Variants in CHM observed in about 807,000 individuals in gnomAD.
CHM encodes the protein CHM Rab escort protein.
A neutral mutation model predicts 49.0 loss-of-function variants in CHM; 10 were observed. The observed-to-expected ratio is 0.20, with a 90% CI of 0.13 to 0.35. The LOEUF is 0.35. CHM is among the 10% of genes least tolerant of loss of function. The probability of loss-of-function intolerance (pLI) is 1.00; values close to 1 mark genes in which losing one functional copy is unlikely to be tolerated. For missense variants in CHM, 455 were observed against 478.4 expected, an observed-to-expected ratio of 0.95 and a Z score of 0.46; for synonymous variants, 184 against 167.5, an observed-to-expected ratio of 1.10 and a Z score of -0.76.
intron 2 of CHM, among the ~76,000 whole-genome samples, chrX:85,987,188 C>T (rs1931963032): frequency 1.8e-5 from 2 of 112,133 alleles, no homozygotes; most frequent in South Asian, 7.4e-4. Context: ...CTATAAATCA[C>T]TGGCATCCCT....
At chrX:85,925,646 T>C (rs1928036909) in intron 8 of CHM, among the ~76,000 whole-genome samples, 1 of 111,738 alleles carries the variant, frequency 8.9e-6, no homozygotes, top group Admixed American at 9.5e-5. Flanking sequence ...GTATGATATA[T>C]ATTCATTTTT....
chrX:85,947,568 T>G (rs1340517868), intron 8 of CHM, among the ~76,000 whole-genome samples: 1 of 111,676 alleles, frequency 9.0e-6, no homozygotes, highest in Non-Finnish European at 1.9e-5. Context: ...TGCAGAACCA[T>G]GAGCCAATTA....
chrX:85,970,745 C>CA (rs985625938), intron 4 of CHM: 2 of 150,450 alleles, frequency 1.3e-5, no homozygotes, highest in South Asian at 3.0e-4. Flanking sequence ...TGTGTAATCA[C>CA]AAAAAATCAC....
intron 11 of CHM, 33 bp from the exon 12 acceptor site, chrX:85,894,317 T>A: frequency 2.0e-6 from 2 of 1,011,864 alleles, no homozygotes; most frequent in Non-Finnish European, 2.8e-6. Context: ...CAGACACAGC[T>A]GTTAGATCTC....
chrX:85,867,704 C>T (rs58708363), intron 14 of CHM, among the ~76,000 whole-genome samples: 8,817 of 111,142 alleles, frequency 0.079, 748 homozygotes, highest in African/African-American at 0.26. Flanking sequence ...TCTCAATTTC[C>T]GAGCTTTGGC....
At chrX:85,889,737 GA>G (rs946490630) in intron 12 of CHM, among the ~76,000 whole-genome samples, 2 of 109,330 alleles carry the variant, frequency 1.8e-5, no homozygotes, top group Non-Finnish European at 3.8e-5. Context: ...ATTGTACAAA[GA>G]AAAAAAAATG....
intron 3 of CHM, among the ~76,000 whole-genome samples, chrX:85,981,076 A>G (rs1233497287): frequency 3.7e-5 from 4 of 108,157 alleles, no homozygotes; most frequent in East Asian, 5.7e-4. Flanking sequence ...GTGAGATTTT[A>G]TAAGGACTAG....
At chrX:85,883,638 T>C (rs1437782366) in intron 12 of CHM, among the ~76,000 whole-genome samples, 1 of 111,077 alleles carries the variant, frequency 9.0e-6, no homozygotes, top group Non-Finnish European at 1.9e-5. Flanking sequence ...ATTTGAAATG[T>C]CACATTTTCA....
intron 4 of CHM, among the ~76,000 whole-genome samples, chrX:85,972,543 C>T (rs987094703): frequency 6.2e-5 from 7 of 113,244 alleles, no homozygotes; most frequent in Middle Eastern, 4.6e-3. Context: ...TTGACCACAG[C>T]GCCGGTGGGC....
chrX:86,010,930 C>T (rs180847669), intron 2 of CHM, among the ~76,000 whole-genome samples: 179 of 111,636 alleles, frequency 1.6e-3, no homozygotes, highest in Middle Eastern at 9.2e-3. Context: ...CAGATGACTT[C>T]CATCTGAACT....
chrX:86,001,159 A>T (rs1932700747), intron 2 of CHM, among the ~76,000 whole-genome samples: 1 of 111,966 alleles, frequency 8.9e-6, no homozygotes, highest in Non-Finnish European at 1.9e-5. Context: ...TAAGAAAAAT[A>T]TCATAAGTCC....
intron 8 of CHM, among the ~76,000 whole-genome samples, chrX:85,936,725 A>G (rs959409038): frequency 8.9e-6 from 1 of 112,232 alleles, no homozygotes; most frequent in African/African-American, 3.2e-5. Context: ...GGATTATTTT[A>G]ATCTAGAACA....
intron 11 of CHM, among the ~76,000 whole-genome samples, chrX:85,895,320 T>A (rs1925762296): frequency 9.2e-6 from 1 of 108,376 alleles, no homozygotes; most frequent in Non-Finnish European, 1.9e-5. Flanking sequence ...TTTTTTGTAT[T>A]TTTTGTAGAA....
At chrX:85,923,040 A>G (rs1927883122) in intron 8 of CHM, among the ~76,000 whole-genome samples, 1 of 111,803 alleles carries the variant, frequency 8.9e-6, no homozygotes, top group African/African-American at 3.3e-5. Flanking sequence ...TCAAGTGTAT[A>G]ACTTTAGTAA....
chrX:85,920,399 T>C (rs1029379023), intron 8 of CHM, among the ~76,000 whole-genome samples: 9 of 111,699 alleles, frequency 8.1e-5, no homozygotes, highest in Non-Finnish European at 1.3e-4. Flanking sequence ...CCCGGCCCAA[T>C]AGTGGAAATC....
At chrX:85,985,072 C>T (rs922633304) in intron 2 of CHM, among the ~76,000 whole-genome samples, 1 of 111,798 alleles carries the variant, frequency 8.9e-6, no homozygotes, top group Non-Finnish European at 1.9e-5. Context: ...GGCCCCACTT[C>T]CATGGCACCT....
At chrX:85,903,359 G>T (rs1274151943) in intron 9 of CHM, among the ~76,000 whole-genome samples, 2 of 110,942 alleles carry the variant, frequency 1.8e-5, no homozygotes, top group East Asian at 2.8e-4. Flanking sequence ...TTTAAAAAGG[G>T]TTCCCATTTA....
chrX:85,879,335 T>TA (rs946985543), intron 12 of CHM, among the ~76,000 whole-genome samples: 1 of 111,497 alleles, frequency 9.0e-6, no homozygotes, highest in Non-Finnish European at 1.9e-5. Context: ...AATAACTGGG[T>TA]AAAAAAAGGC....
chrX:85,932,883 T>C (rs1928518334), intron 8 of CHM, among the ~76,000 whole-genome samples: 1 of 112,112 alleles, frequency 8.9e-6, no homozygotes, highest in Admixed American at 9.5e-5. Flanking sequence ...ACACAAGATA[T>C]GTGACAGTAG....
Sources: gnomAD v4.1 joint callset for allele counts (sites outside exome capture counted in the v4.1 genomes callset) on GRCh38, gnomAD v4.1.1 for gene constraint, MANE v1.5 for transcripts, NCBI Gene and HGNC (gene_info 2026-07-23, HGNC 2026-07-21) for gene names.